Variants in KCTD9 observed in about 807,000 individuals in gnomAD.
The protein encoded by KCTD9 is BTB/POZ domain-containing protein KCTD9.
In KCTD9, 17 loss-of-function variants were observed where a neutral mutation model predicts 53.3. That is an observed-to-expected ratio of 0.32 (90% CI 0.22 to 0.48). KCTD9 has a LOEUF of 0.48. Ranked by LOEUF, KCTD9 falls within the 20% of genes least tolerant of loss-of-function variation. The pLI, the probability that KCTD9 is intolerant of heterozygous loss-of-function variation, is 0.99. For synonymous variants in KCTD9, 128 were observed against 162.7 expected, an observed-to-expected ratio of 0.79 and a Z score of 1.62; for missense variants, 179 against 465.5, an observed-to-expected ratio of 0.38 and a Z score of 5.66.
At chr8:25,451,548 G>C (rs1802319933) in intron 1 of KCTD9, 1 of 152,124 alleles carries the variant, frequency 6.6e-6, no homozygotes, top group Non-Finnish European at 1.5e-5. Context: ...TAGGCCCTAA[G>C]AATAGAAGCA....
At position 25,429,636 on chromosome 8, in the gene KCTD9, T is replaced by G. The variant is rs1801892106; in HGVS notation, c.*221A>C. Reference sequence around the variant, plus strand: ...AAAAGGCAGCAATATCTAGTTTCCCTACATCTATTAAATGAGTGCTTTTCT... The same window carrying G: ...AAAAGGCAGCAATATCTAGTTTCCCGACATCTATTAAATGAGTGCTTTTCT... On this transcript the variant is annotated 3_prime_UTR_variant, in exon 12 of 12. Transcript: ENST00000221200. 2.3e-6 allele frequency: 1 copy of G among 430,298 alleles called. No individual in the cohort carries two copies. The highest frequency in any genetic ancestry group is 4.4e-6 in the Non-Finnish European group (1 of 229,094). The allele number at this position is 430,298 out of a possible 1,614,324, so 26.7% of individuals were successfully genotyped here.
rs1371953962 is a variant in KCTD9 at position 25,452,001 on chromosome 8, CA to C, written c.49-5752del. 3.9e-5 allele frequency among the ~76,000 whole-genome samples: 6 copies of C among 152,052 alleles called. No individual in the cohort carries two copies. The South Asian group carries it at 1.2e-3, about 32-fold the overall frequency. ...AAGGTCCAATAAAAAAATTAATTTG[CA>C]AAAAGTTGTTATGATAAATACACAA... On this transcript the variant is annotated intron_variant, in intron 1 of 11. Coordinates refer to ENST00000221200, the MANE Select transcript of KCTD9 (RefSeq NM_017634.4).
In KCTD9 at chr8:25,439,662, C is replaced by T; in HGVS notation, c.314G>A (p.Ser105Asn). 1 of 1,613,894 alleles carries T rather than the reference C, an allele frequency of 6.2e-7. No homozygotes were observed. The highest frequency in any genetic ancestry group is 8.5e-7 in the Non-Finnish European group (1 of 1,179,962). Residue 105 changes from serine to asparagine, a missense_variant and splice_region_variant, in exon 5 of 12, where the codon AGC becomes AAC. Ser to Asn is a conservative substitution (Grantham distance 46). Transcript: ENST00000221200. ...GTCAGGTTCTTTATTCACTAAAGTG[C>T]TCCTAAGAATTCAGGGAAAAAAATT... is the stretch of plus-strand genomic sequence containing the variant. ...VGGRYFTTTR[S>N]TLVNKEPDSM...
intron 4 of KCTD9, 192 bp from the exon 5 acceptor site, chr8:25,439,856 T>C (rs1348086266): frequency 2.2e-5 from 26 of 1,194,812 alleles, no homozygotes; most frequent in Non-Finnish European, 2.9e-5. Flanking sequence ...GGTACTTCCT[T>C]TGATTTAAAC....
intron 1 of KCTD9, among the ~76,000 whole-genome samples, chr8:25,454,297 G>A (rs1802388527): frequency 6.6e-6 from 1 of 152,212 alleles, no homozygotes; most frequent in Non-Finnish European, 1.5e-5. Flanking sequence ...GCCATGTTTG[G>A]CATGATGCCA....
In KCTD9 at chr8:25,436,400, A is replaced by ATTT; in HGVS notation, c.567+17_567+18insAAA. Reference sequence around the variant, plus strand: ...GCTACAATGAATGTAACACTGGCTAATGTAAAAACAGGCTTACCTTTATTG... The same window carrying ATTT: ...GCTACAATGAATGTAACACTGGCTAATTTTGTAAAAACAGGCTTACCTTTATTG... On this transcript the variant is annotated intron_variant, in intron 7 of 11. Transcript: ENST00000221200. 1 of 1,606,118 alleles carries ATTT rather than the reference A, an allele frequency of 6.2e-7. No homozygotes were observed. Among genetic ancestry groups the ATTT allele is most frequent in the South Asian group, 1.1e-5 (1 of 90,616 alleles).
At chr8:25,456,561 CG>C (rs1274376331) in intron 1 of KCTD9, among the ~76,000 whole-genome samples, 3 of 152,140 alleles carry the variant, frequency 2.0e-5, no homozygotes, top group African/African-American at 7.2e-5. Flanking sequence ...TGGATTTTTA[CG>C]TTGTAACATA....
intron 1 of KCTD9, chr8:25,457,301 C>T: frequency 1.1e-6 from 1 of 945,126 alleles, no homozygotes; most frequent in Non-Finnish European, 1.3e-6. Context: ...TTACCTTTAC[C>T]TTAGACTCGT....
rs759940875 is a variant in KCTD9 at position 25,439,307 on chromosome 8, G to C, written c.471C>G (p.Leu157=). Reference sequence around the variant, plus strand: ...ATAAATTAATGCCATCATTTACAATGAGCTGTCCATGACGCAAGTAGTTCA... The same window carrying C: ...ATAAATTAATGCCATCATTTACAATCAGCTGTCCATGACGCAAGTAGTTCA... ...PILNYLRHGQ[L]IVNDGINLLG... is the part of the protein sequence containing the mutation. The change falls in exon 6 of 12, where the codon CTC becomes CTG. Residue 157 remains leucine (L), a synonymous_variant. Transcript: ENST00000221200. 3 of 1,606,996 alleles carry C rather than the reference G, an allele frequency of 1.9e-6. No individual in the cohort carries two copies. In the East Asian group the frequency reaches 6.7e-5, roughly 36 times the overall value.
intron 6 of KCTD9, among the ~76,000 whole-genome samples, chr8:25,437,961 A>T (rs541576215): frequency 3.1e-4 from 47 of 151,708 alleles, no homozygotes; most frequent in African/African-American, 8.9e-4. Context: ...AAAGCATATA[A>T]TTACTTGGGG....
chr8:25,455,355 C>G (rs1433911177), intron 1 of KCTD9, among the ~76,000 whole-genome samples: 3 of 152,122 alleles, frequency 2.0e-5, no homozygotes, highest in Non-Finnish European at 4.4e-5. Context: ...AAATATCTTG[C>G]TAACTAGGAT....
chr8:25,452,417 C>A (rs946317308), intron 1 of KCTD9, among the ~76,000 whole-genome samples: 3 of 152,112 alleles, frequency 2.0e-5, no homozygotes, highest in African/African-American at 7.2e-5. Context: ...TATTCTAACA[C>A]CCAATAATTA....
chr8:25,456,185 G>GA (rs562755536), intron 1 of KCTD9, among the ~76,000 whole-genome samples: 237 of 152,230 alleles, frequency 1.6e-3, no homozygotes, highest in Non-Finnish European at 2.6e-3. Context: ...AAACTTACTT[G>GA]AAAAAACAGA....
At chr8:25,436,089 T>C in intron 8 of KCTD9, 146 bp downstream of exon 8, 1 of 656,654 alleles carries the variant, frequency 1.5e-6, no homozygotes, top group Non-Finnish European at 2.7e-6. Flanking sequence ...ATTTCAGAAC[T>C]AAATCAATGC....
In KCTD9 at chr8:25,458,257, C is replaced by G. The variant is rs764628839; in HGVS notation, c.-11G>C. The G allele has an allele frequency of 1.9e-6, 3 of 1,610,528 alleles. No homozygotes were observed. The highest frequency in any genetic ancestry group is 2.2e-5 in the East Asian group (1 of 44,810). On this transcript the variant is annotated 5_prime_UTR_variant, in exon 1 of 12. Transcript: ENST00000221200. ...GGTCACCCGCCTCATCGCGCTGCCC[C>G]CGCTGGGTCCTGAGTGAGCCGCCAC...
chr8:25,443,632 C>T (rs898753134), intron 3 of KCTD9, among the ~76,000 whole-genome samples: 1 of 152,182 alleles, frequency 6.6e-6, no homozygotes, highest in Middle Eastern at 3.2e-3. Context: ...TATGCACTTA[C>T]TTCTAAGTTG....
At chr8:25,451,116 C>A (rs1204507402) in intron 1 of KCTD9, among the ~76,000 whole-genome samples, 1 of 152,192 alleles carries the variant, frequency 6.6e-6, no homozygotes, top group Non-Finnish European at 1.5e-5. Flanking sequence ...TGTTTTCCAA[C>A]TAATCATTCG....
In KCTD9 at chr8:25,458,194, G is replaced by A. The variant is rs368882687; in HGVS notation, c.48+5C>T. The A allele has an allele frequency of 6.9e-6, 4 of 576,082 alleles. No homozygotes were observed. The African/African-American group carries it at 8.6e-5, about 12-fold the overall frequency. 35.7% of individuals were successfully genotyped at this position (576,082 alleles called of 1,614,324 possible). ...GCCCGCCGCGCCCCCTCACGCCCCC[G>A]TTACCTTTCCGTTCTTGGGGCTGCC... On this transcript the variant is annotated splice_donor_5th_base_variant and intron_variant, in intron 1 of 11. Transcript: ENST00000221200.
chr8:25,440,205 C>T (rs1305509557), intron 4 of KCTD9, among the ~76,000 whole-genome samples: 1 of 151,192 alleles, frequency 6.6e-6, no homozygotes, highest in African/African-American at 2.4e-5. Context: ...ACTACAGGCG[C>T]CCGCCACTAC....
Sources: gnomAD v4.1 joint callset for allele counts (sites outside exome capture counted in the v4.1 genomes callset) on GRCh38, gnomAD v4.1.1 for gene constraint, MANE v1.5 for transcripts, NCBI Gene and HGNC (gene_info 2026-07-23, HGNC 2026-07-21) for gene names.